The following PLXNA4 variants were observed in gnomAD, a reference collection of about 807,000 sequenced individuals.
The protein encoded by PLXNA4 is plexin A4.
Under a neutral mutation model 191.8 loss-of-function variants are expected in PLXNA4, and 44 were observed. That is an observed-to-expected ratio of 0.23 (90% CI 0.18 to 0.29). PLXNA4 has a LOEUF of 0.29. Ranked by LOEUF, PLXNA4 falls within the 10% of genes least tolerant of loss-of-function variation. The pLI, the probability that PLXNA4 is intolerant of heterozygous loss-of-function variation, is 1.00. For synonymous variants in PLXNA4, 1,082 were observed against 1,009.5 expected (o/e 1.07, Z -1.36); for missense variants, 1,800 against 2,488.8 (o/e 0.72, Z 5.89).
At chr7:132,592,321 C>T (rs1448183502) in intron 2 of PLXNA4, among the ~76,000 whole-genome samples, 2 of 152,092 alleles carry the variant, frequency 1.3e-5, no homozygotes, top group African/African-American at 4.8e-5. Flanking sequence ...GAGTGCGGTG[C>T]AGGGAGAGAA....
At chr7:132,196,323 T>A (rs576293895) in intron 13 of PLXNA4, among the ~76,000 whole-genome samples, 13 of 152,342 alleles carry the variant, frequency 8.5e-5, no homozygotes, top group African/African-American at 3.1e-4. Flanking sequence ...CATTTTGGTG[T>A]TTCTGTGGCC....
intron 2 of PLXNA4, among the ~76,000 whole-genome samples, chr7:132,591,185 T>C (rs1802598231): frequency 6.6e-6 from 1 of 151,814 alleles, no homozygotes; most frequent in South Asian, 2.1e-4. Context: ...TGGAGAGCCG[T>C]GGAACAGGGG....
At chr7:132,227,162 G>A (rs1361465797) in intron 7 of PLXNA4, among the ~76,000 whole-genome samples, 1 of 152,204 alleles carries the variant, frequency 6.6e-6, no homozygotes, top group African/African-American at 2.4e-5. Flanking sequence ...TTCTGCTGCT[G>A]TCCTGGCCTG....
intron 24 of PLXNA4, among the ~76,000 whole-genome samples, chr7:132,161,269 C>A (rs929929271): frequency 6.6e-6 from 1 of 152,242 alleles, no homozygotes; most frequent in African/African-American, 2.4e-5. Flanking sequence ...TTTCTAATTG[C>A]CGCAGGAATT....
chr7:132,547,069 G>C (rs1800342489), intron 1 of PLXNA4, among the ~76,000 whole-genome samples: 1 of 152,172 alleles, frequency 6.6e-6, no homozygotes, highest in Non-Finnish European at 1.5e-5. Flanking sequence ...ATTACAGCAA[G>C]CTAGCTCCAT....
At chr7:132,209,114 G>C (rs1342344846) in intron 10 of PLXNA4, among the ~76,000 whole-genome samples, 1 of 152,256 alleles carries the variant, frequency 6.6e-6, no homozygotes, top group East Asian at 1.9e-4. Context: ...AAGAGGTTTA[G>C]AAGACTAACT....
chr7:132,138,005 G>T (rs1795163400), intron 30 of PLXNA4, among the ~76,000 whole-genome samples: 1 of 151,934 alleles, frequency 6.6e-6, no homozygotes, highest in Admixed American at 6.6e-5. Flanking sequence ...TGGGGGATGG[G>T]TGGGAGGACA....
chr7:132,496,333 G>A (rs1170120707), intron 2 of PLXNA4, among the ~76,000 whole-genome samples: 1 of 152,148 alleles, frequency 6.6e-6, no homozygotes, highest in African/African-American at 2.4e-5. Context: ...TACCTATCAA[G>A]TTGCTGAGAA....
chr7:132,148,410 T>C, intron 26 of PLXNA4, 133 bp downstream of exon 26: 2 of 1,326,426 alleles, frequency 1.5e-6, no homozygotes, highest in Admixed American at 5.3e-5. Flanking sequence ...GACACCAATT[T>C]CCTCTGGATC....
rs564231938 is a variant in PLXNA4 at position 132,398,418 on chromosome 7, A to T, written c.1371+90874T>A. 2.0e-5 allele frequency among the ~76,000 whole-genome samples: 3 copies of T among 152,300 alleles called. No individual in the cohort carries two copies. The South Asian group carries it at 6.2e-4, about 32-fold the overall frequency. On this transcript the variant is annotated intron_variant, in intron 3 of 31. Transcript: ENST00000321063. ...AGGTTCTATTCGTGTCGCAACAAGGAACCACACATCCAAGGCAGCCAAGCC... is the reference window on the plus strand; with the variant it reads ...AGGTTCTATTCGTGTCGCAACAAGGTACCACACATCCAAGGCAGCCAAGCC...
At chr7:132,469,691 C>T (rs156932) in intron 3 of PLXNA4, among the ~76,000 whole-genome samples, 114,902 of 152,170 alleles carry the variant, frequency 0.76, 46,308 homozygotes, top group Non-Finnish European at 0.9. Context: ...TCAATGCATT[C>T]GTCCATTCTA....
At chr7:132,376,377 G>A (rs1460423671) in intron 3 of PLXNA4, among the ~76,000 whole-genome samples, 1 of 152,132 alleles carries the variant, frequency 6.6e-6, no homozygotes, top group Non-Finnish European at 1.5e-5. Flanking sequence ...AGGATGCTGG[G>A]GTTCCTGTGC....
At chr7:132,583,580 C>T (rs911363424) in intron 2 of PLXNA4, among the ~76,000 whole-genome samples, 1 of 152,222 alleles carries the variant, frequency 6.6e-6, no homozygotes, top group Admixed American at 6.5e-5. Context: ...AATGAAGGGA[C>T]AGGAGTGCCT....
At chr7:132,435,494 C>T (rs1183007934) in intron 3 of PLXNA4, among the ~76,000 whole-genome samples, 1 of 152,100 alleles carries the variant, frequency 6.6e-6, no homozygotes, top group Non-Finnish European at 1.5e-5. Context: ...TCCAACCACC[C>T]CAATCTCCTA....
At chr7:132,326,003 A>G (rs1802343527) in intron 3 of PLXNA4, among the ~76,000 whole-genome samples, 1 of 152,190 alleles carries the variant, frequency 6.6e-6, no homozygotes, top group Non-Finnish European at 1.5e-5. Context: ...GTGCCCAGAC[A>G]GCTGGCTAAA....
intron 4 of PLXNA4, among the ~76,000 whole-genome samples, chr7:132,254,303 G>A (rs575574142): frequency 1.3e-5 from 2 of 152,242 alleles, no homozygotes; most frequent in Admixed American, 6.5e-5. Flanking sequence ...GGAAATTGTC[G>A]CAACTTCTAA....
chr7:132,172,932 AT>A (rs1425406965), intron 21 of PLXNA4, among the ~76,000 whole-genome samples: 5 of 152,132 alleles, frequency 3.3e-5, no homozygotes, highest in Non-Finnish European at 7.3e-5. Context: ...TTCAGACATA[AT>A]TTCCCGTCCT....
intron 18 of PLXNA4, 50 bp downstream of exon 18, chr7:132,181,327 CCATG>C: frequency 1.9e-6 from 3 of 1,605,474 alleles, no homozygotes; most frequent in Non-Finnish European, 2.6e-6. Context: ...ACACCCCCTT[CCATG>C]CAGCAGCCCC....
intron 3 of PLXNA4, among the ~76,000 whole-genome samples, chr7:132,303,213 A>G (rs1801375558): frequency 6.6e-6 from 1 of 150,698 alleles, no homozygotes. Flanking sequence ...CTTGTGGATC[A>G]CCTAAACAAT....
Sources: allele counts gnomAD v4.1 joint callset (sites outside exome capture counted in the v4.1 genomes callset), GRCh38; gene constraint gnomAD v4.1.1; transcripts MANE v1.5; gene names NCBI Gene and HGNC (gene_info 2026-07-23, HGNC 2026-07-21).